SETD3: variants seen among roughly 807,000 people sequenced by gnomAD.
SETD3 encodes the protein SET domain containing 3, actin N3(tau)-histidine methyltransferase, also known as actin-histidine N-methyltransferase.
SETD3 carries 19 observed loss-of-function variants against 63.0 expected under a neutral mutation model. That is an observed-to-expected ratio of 0.30 (90% CI 0.21 to 0.44). SETD3 has a LOEUF of 0.44. Ranked by LOEUF, SETD3 falls within the 20% of genes least tolerant of loss-of-function variation. The pLI, the probability that SETD3 is intolerant of heterozygous loss-of-function variation, is 1.00. For synonymous variants in SETD3, 286 were observed against 264.1 expected (o/e 1.08, Z -0.80); for missense variants, 587 against 728.5 (o/e 0.81, Z 2.24).
At chr14:99,405,421 G>A (rs1404951637) in intron 9 of SETD3, 50 bp from the exon 10 acceptor site, 2 of 1,583,100 alleles carry the variant, frequency 1.3e-6, no homozygotes, top group East Asian at 2.2e-5. Flanking sequence ...AACTTGGCAT[G>A]TATTCTTAAC....
chr14:99,446,324 T>C (rs549461996), intron 6 of SETD3, among the ~76,000 whole-genome samples: 5 of 152,318 alleles, frequency 3.3e-5, no homozygotes, highest in East Asian at 1.9e-4. Context: ...AAACGATCAA[T>C]GACAGCCTAG....
intron 5 of SETD3, among the ~76,000 whole-genome samples, 179 bp from the exon 6 acceptor site, chr14:99,458,714 G>T (rs1894901192): frequency 6.8e-6 from 1 of 146,194 alleles, no homozygotes; most frequent in African/African-American, 2.6e-5. Flanking sequence ...AAGGTGGGAG[G>T]ATTGCTTGAG....
intron 1 of SETD3, among the ~76,000 whole-genome samples, chr14:99,469,269 A>G (rs1595270783): frequency 6.6e-6 from 1 of 152,188 alleles, no homozygotes. Flanking sequence ...GGGAAGGCAG[A>G]TATGCTAGAA....
intron 6 of SETD3, among the ~76,000 whole-genome samples, chr14:99,454,684 C>T (rs1032334138): frequency 2.6e-5 from 4 of 152,188 alleles, no homozygotes; most frequent in African/African-American, 4.8e-5. Context: ...GCTCAGCAAC[C>T]CTGGGAGTCA....
chr14:99,413,992 T>C lies in SETD3; in HGVS notation c.676-58A>G, dbSNP rs951490648. The C allele has an allele frequency of 3.4e-6, 5 of 1,478,246 alleles. No homozygotes were observed. The African/African-American group carries it at 4.2e-5, about 12-fold the overall frequency. The allele number at this position is 1,478,246 out of a possible 1,614,324, so 91.6% of individuals were successfully genotyped here. ...AAAAGAGAAAAAGGGAAAACAGAAA[T>C]CAGTCAGCAGAATTTCATTATTTAG... On this transcript the variant is annotated intron_variant, in intron 6 of 12. Transcript: ENST00000331768.
intron 6 of SETD3, among the ~76,000 whole-genome samples, chr14:99,444,821 C>T (rs1894039082): frequency 6.7e-6 from 1 of 149,174 alleles, no homozygotes; most frequent in Non-Finnish European, 1.5e-5. Flanking sequence ...GGTAACAGTA[C>T]TAGACTTTGT....
chr14:99,441,020 C>T (rs563549015), intron 6 of SETD3, among the ~76,000 whole-genome samples: 4 of 152,288 alleles, frequency 2.6e-5, no homozygotes, highest in South Asian at 2.1e-4. Flanking sequence ...AGTGACAGTA[C>T]GCTGTCACAC....
At chr14:99,445,942 T>C (rs1385979609) in intron 6 of SETD3, among the ~76,000 whole-genome samples, 5 of 152,238 alleles carry the variant, frequency 3.3e-5, no homozygotes, top group African/African-American at 9.6e-5. Context: ...AAAGCTCTTA[T>C]TGATCAGACT....
At chr14:99,432,559 G>C (rs141846200) in intron 6 of SETD3, among the ~76,000 whole-genome samples, 1 of 152,302 alleles carries the variant, frequency 6.6e-6, no homozygotes, top group Non-Finnish European at 1.5e-5. Context: ...TTAATGTACT[G>C]AGCTTTGTTC....
intron 6 of SETD3, among the ~76,000 whole-genome samples, chr14:99,424,287 G>C (rs1422651533): frequency 6.6e-6 from 1 of 152,128 alleles, no homozygotes; most frequent in Admixed American, 6.5e-5. Flanking sequence ...TCTTACATTC[G>C]GGGGACAGGA....
intron 1 of SETD3, among the ~76,000 whole-genome samples, chr14:99,469,942 A>C: frequency 6.6e-6 from 1 of 152,154 alleles, no homozygotes; most frequent in Non-Finnish European, 1.5e-5. Flanking sequence ...CCTATTCTTA[A>C]ACTTCATATA....
intron 1 of SETD3, among the ~76,000 whole-genome samples, chr14:99,479,458 A>G (rs1434718491): frequency 1.3e-5 from 2 of 152,226 alleles, no homozygotes; most frequent in Non-Finnish European, 2.9e-5. Context: ...GCAAATTTTA[A>G]CAGTGGAGAG....
intron 6 of SETD3, among the ~76,000 whole-genome samples, chr14:99,423,619 A>G (rs1209030482): frequency 6.9e-6 from 1 of 144,632 alleles, no homozygotes. Context: ...AAAAAAGAGC[A>G]GGCACTAAGA....
At chr14:99,400,357 C>A in intron 11 of SETD3, 98 bp from the exon 12 acceptor site, 1 of 1,296,360 alleles carries the variant, frequency 7.7e-7, no homozygotes, top group South Asian at 1.4e-5. Flanking sequence ...CCAACAACGC[C>A]ATTTTCCCAC....
chr14:99,423,590 A>AAAAAAAAAAAAAAAAAAAAAAT, intron 6 of SETD3, among the ~76,000 whole-genome samples: 1 of 118,608 alleles, frequency 8.4e-6, no homozygotes, highest in African/African-American at 3.9e-5. Flanking sequence ...CTGTTATGCA[A>AAAAAAAAAAAAAAAAAAAAAAT]AAAAAAAAAA....
intron 6 of SETD3, among the ~76,000 whole-genome samples, chr14:99,443,674 A>C (rs1160217708): frequency 6.6e-6 from 1 of 152,230 alleles, no homozygotes; most frequent in Admixed American, 6.5e-5. Flanking sequence ...AATTCCAAGC[A>C]GGTGCCTGAC....
At chr14:99,444,705 T>G (rs1001139769) in intron 6 of SETD3, among the ~76,000 whole-genome samples, 1 of 151,738 alleles carries the variant, frequency 6.6e-6, no homozygotes, top group Non-Finnish European at 1.5e-5. Flanking sequence ...CAAAAAAATA[T>G]AAAAATTAGC....
intron 6 of SETD3, among the ~76,000 whole-genome samples, chr14:99,433,808 G>A (rs1387478616): frequency 1.3e-5 from 2 of 152,136 alleles, no homozygotes; most frequent in Non-Finnish European, 1.5e-5. Context: ...TAGCTAATAA[G>A]CAAATGAAAA....
At position 99,458,276 on chromosome 14, in the gene SETD3, C is replaced by A; in HGVS notation, c.675+3G>T. The A allele has an allele frequency of 6.2e-7, 1 of 1,609,194 alleles. No individual in the cohort carries two copies. The highest frequency in any genetic ancestry group is 1.1e-5 in the South Asian group (1 of 90,698). The stretch of plus-strand genomic sequence containing the variant: ...TATACTTAAATTGCAAACAGCTGCT[C>A]ACCTGGATGACTTTATAGAAGTAGG... On this transcript the variant is annotated splice_donor_region_variant and intron_variant, in intron 6 of 12. Coordinates refer to ENST00000331768, the MANE Select transcript of SETD3 (RefSeq NM_032233.3).
Sources: gnomAD v4.1 joint callset for allele counts (sites outside exome capture counted in the v4.1 genomes callset) on GRCh38, gnomAD v4.1.1 for gene constraint, MANE v1.5 for transcripts, NCBI Gene and HGNC (gene_info 2026-07-23, HGNC 2026-07-21) for gene names.